Variants in FHIP2A observed in about 807,000 individuals in gnomAD.
FHIP2A encodes family with sequence similarity 160 member B1.
FHIP2A carries 46 observed loss-of-function variants against 93.5 expected under a neutral mutation model. The ratio of observed to expected loss-of-function variants is 0.49; its 90% CI spans 0.39 to 0.63. The LOEUF (loss-of-function observed/expected upper bound fraction) is 0.63, where lower values mean the gene tolerates loss of function less well. FHIP2A is among the 20% of genes least tolerant of loss of function. FHIP2A has a pLI of 0.00. For synonymous variants in FHIP2A, 332 were observed against 326.5 expected, an observed-to-expected ratio of 1.02 and a Z score of -0.18; for missense variants, 769 against 909.7, an observed-to-expected ratio of 0.85 and a Z score of 1.99.
At chr10:114,884,442 C>G (rs2083931685) in intron 16 of FHIP2A, among the ~76,000 whole-genome samples, 1 of 152,172 alleles carries the variant, frequency 6.6e-6, no homozygotes, top group Non-Finnish European at 1.5e-5. Flanking sequence ...CTTAGCAAAT[C>G]ACTTAAATTC....
chr10:114,847,278 GTTT>G, intron 12 of FHIP2A, 45 bp downstream of exon 12: 1 of 1,554,628 alleles, frequency 6.4e-7, no homozygotes, highest in South Asian at 1.2e-5. Flanking sequence ...CTTGTTTTTT[GTTT>G]TTGTTTATTA....
At position 114,822,026 on chromosome 10, in the gene FHIP2A, T is replaced by C; in HGVS notation, c.-53T>C. On this transcript the variant is annotated 5_prime_UTR_variant, in exon 1 of 17. Coordinates refer to ENST00000369248, the MANE Select transcript of FHIP2A (RefSeq NM_020940.4). ...CCGCAGCAGGGGCGGCGGCGGCGGA[T>C]CGAGGAGCTCTCCAGGTCGTCCCGG... 2.5e-6 allele frequency: 3 copies of C among 1,188,540 alleles called. No homozygotes were observed. Among genetic ancestry groups the C allele is most frequent in the Non-Finnish European group, 3.2e-6 (3 of 931,552 alleles). 73.6% of individuals were successfully genotyped at this position (1,188,540 alleles called of 1,614,324 possible). A position where few individuals can be genotyped will look rare whatever the true frequency, so the allele number is the denominator to read the frequency against.
At chr10:114,854,549 CA>C (rs528902999) in intron 13 of FHIP2A, among the ~76,000 whole-genome samples, 12 of 151,918 alleles carry the variant, frequency 7.9e-5, no homozygotes, top group Non-Finnish European at 1.8e-4. Context: ...ACACAAAATA[CA>C]AACCCTGATT....
intron 5 of FHIP2A, among the ~76,000 whole-genome samples, chr10:114,839,443 T>C (rs1490031657): frequency 6.6e-6 from 1 of 152,170 alleles, no homozygotes; most frequent in Non-Finnish European, 1.5e-5. Flanking sequence ...GCAGTTTTAT[T>C]ACTTATAAGT....
At chr10:114,874,405 A>G (rs911525264) in intron 16 of FHIP2A, among the ~76,000 whole-genome samples, 2 of 152,276 alleles carry the variant, frequency 1.3e-5, no homozygotes, top group African/African-American at 4.8e-5. Context: ...TAACTAGCAC[A>G]ATTATATTGC....
At chr10:114,828,013 T>G (rs528959977) in intron 1 of FHIP2A, among the ~76,000 whole-genome samples, 66 of 152,298 alleles carry the variant, frequency 4.3e-4, no homozygotes, top group Admixed American at 6.5e-4. Context: ...CACTTTTTTT[T>G]TTTTAACTCA....
At position 114,894,511 on chromosome 10, in the gene FHIP2A, G is replaced by T. The variant is rs912552734; in HGVS notation, c.2193-4979G>T. On this transcript the variant is annotated intron_variant, in intron 16 of 16. Coordinates refer to the FHIP2A transcript ENST00000369250. Reference sequence around the variant, plus strand: ...TGAGTCCGGGGACGTCAAGGCTGCAGTGAGCGGTGATTGTGCCACTGCACT... The same window carrying T: ...TGAGTCCGGGGACGTCAAGGCTGCATTGAGCGGTGATTGTGCCACTGCACT... Among the ~76,000 whole-genome samples, 3 of 152,308 alleles carry T rather than the reference G, an allele frequency of 2.0e-5. No homozygotes were observed. In the East Asian group the frequency reaches 5.8e-4, roughly 29 times the overall value.
In FHIP2A at chr10:114,860,861, G is replaced by A. The variant is rs774567874; in HGVS notation, c.2060G>A (p.Cys687Tyr). The change falls in exon 15 of 17, where the codon TGT (cysteine) becomes TAT (tyrosine). Residue 687 changes from cysteine to tyrosine, a missense_variant. Cys to Tyr is a radical substitution (Grantham distance 194, BLOSUM62 -2). Coordinates refer to ENST00000369248, the MANE Select transcript of FHIP2A (RefSeq NM_020940.4). ...CCTTACGTGAACCTCGCTCCTGGCT[G>A]TAGATCTCTCTTCTCTGTAATTGTC... ...LDPYVNLAPG[C>Y]RSLFSVIVRV... is the part of the protein sequence containing the mutation. 1 of 1,613,640 alleles carries A rather than the reference G, an allele frequency of 6.2e-7. No individual in the cohort carries two copies. Among genetic ancestry groups the A allele is most frequent in the Non-Finnish European group, 8.5e-7 (1 of 1,179,652 alleles).
In FHIP2A at chr10:114,860,795, C is replaced by G. The variant is rs1434744428; in HGVS notation, c.1994C>G (p.Ser665Cys). Residue 665 changes from serine to cysteine, a missense_variant, in exon 15 of 17, where the codon TCT becomes TGT. Ser to Cys is a moderately radical substitution (Grantham distance 112). Coordinates refer to ENST00000369248, the MANE Select transcript of FHIP2A (RefSeq NM_020940.4). ...LQVTSVLSRL[S>C]LFPHPHIHEY... ...GTAACCTCAGTGTTATCTAGACTTT[C>G]TCTCTTCCCTCATCCACACATCCAC... The G allele has an allele frequency of 1.9e-6, 3 of 1,608,710 alleles. 1 individual carries two copies. Among genetic ancestry groups the G allele is most frequent in the African/African-American group, 2.7e-5 (2 of 74,932 alleles).
rs5788083 is a variant in FHIP2A, at chr10:114,830,270, C to CTTTTTT, written c.46-567_46-562dup. On this transcript the variant is annotated intron_variant, in intron 1 of 16. Transcript: ENST00000369248. Reference sequence around the variant, plus strand: ...TCATTTAATATACCTCTGAAACCTACTTTTTTTTTTTTTTTTTTTTGAGAT... The same window carrying CTTTTTT: ...TCATTTAATATACCTCTGAAACCTACTTTTTTTTTTTTTTTTTTTTTTTTTTGAGAT... Among the ~76,000 whole-genome samples the CTTTTTT allele has an allele frequency of 2.6e-4, 27 of 105,446 alleles. 1 individual carries two copies. The highest frequency in any genetic ancestry group is 7.2e-4 in the African/African-American group (19 of 26,402). 69.2% of individuals were successfully genotyped at this position (105,446 alleles called of 152,430 possible).
At chr10:114,849,526 ATTC>A (rs1224129247) in intron 13 of FHIP2A, among the ~76,000 whole-genome samples, 1 of 152,186 alleles carries the variant, frequency 6.6e-6, no homozygotes, top group African/African-American at 2.4e-5. Flanking sequence ...GACTTTTCTC[ATTC>A]TTCTTTCCTC....
At chr10:114,876,733 CTGGGGCCAGGG>C (rs1566384827) in intron 16 of FHIP2A, among the ~76,000 whole-genome samples, 1 of 152,170 alleles carries the variant, frequency 6.6e-6, no homozygotes, top group African/African-American at 2.4e-5. Flanking sequence ...CTGCCAGCTC[CTGGGGCCAGGG>C]CTCAGCACGG....
At chr10:114,859,548 A>G (rs1455411636) in intron 14 of FHIP2A, among the ~76,000 whole-genome samples, 6 of 152,002 alleles carry the variant, frequency 3.9e-5, no homozygotes, top group African/African-American at 1.5e-4. Context: ...CAGCCTCCTC[A>G]CTGTAGTTAG....
chr10:114,899,609 T>C, exon 17 of FHIP2A: 1 of 711,146 alleles, frequency 1.4e-6, no homozygotes, highest in Non-Finnish European at 2.6e-6. Flanking sequence ...TTGGATCAAC[T>C]GCCCACCCTT....
Position 114,846,618 on chromosome 10 carries a change from T to C in FHIP2A, c.1458T>C (p.Ile486=), listed in dbSNP as rs2083702743. The C allele has an allele frequency of 6.2e-7, 1 of 1,612,216 alleles. No homozygotes were observed. Among genetic ancestry groups the C allele is most frequent in the Non-Finnish European group, 8.5e-7 (1 of 1,179,442 alleles). The change falls in exon 11 of 17, where the codon ATT becomes ATC. Residue 486 remains isoleucine, a synonymous_variant. Transcript: ENST00000369248. ...TTTTACAAAAACCCAATGAGCACAT[T>C]CTTTACAACTTGGTCTTGAGAAATC... ...EHLLQKPNEH[I]LYNLVLRNLE...
At chr10:114,885,740 C>T (rs2083939756) in intron 16 of FHIP2A, among the ~76,000 whole-genome samples, 1 of 152,210 alleles carries the variant, frequency 6.6e-6, no homozygotes, top group Admixed American at 6.5e-5. Flanking sequence ...GAAGCTCCTG[C>T]AGGAATAATC....
rs78583275 is a variant in FHIP2A, at chr10:114,857,314, C to CT, written c.1947+1986dup. Among the ~76,000 whole-genome samples the CT allele has an allele frequency of 1.1e-3, 135 of 120,630 alleles. 4 individuals are homozygous for CT. The highest frequency in any genetic ancestry group is 1.0e-3 in the Non-Finnish European group (56 of 55,236). The allele number at this position is 120,630 out of a possible 152,430, so 79.1% of individuals were successfully genotyped here. On this transcript the variant is annotated intron_variant, in intron 14 of 16. Coordinates refer to ENST00000369248, the MANE Select transcript of FHIP2A (RefSeq NM_020940.4). ...TTTCTTTCTCTCCCTATTTCTTCTT[C>CT]TTTTTTTTTTTTCTGAGACCGAGTC... is the stretch of plus-strand genomic sequence containing the variant.
intron 16 of FHIP2A, among the ~76,000 whole-genome samples, chr10:114,891,535 ATATGTGTGTGTGTG>A (rs1300224926): frequency 1.6e-5 from 2 of 126,438 alleles, no homozygotes; most frequent in African/African-American, 6.9e-5. Context: ...ATATATATAT[ATATGTGTGTGTGTG>A]TGTGTGTGTG....
rs192808490 is a variant in FHIP2A at position 114,883,162 on chromosome 10, A to G, written c.2193-16328A>G. ...GTTAAAGATTTTGGATCATTTTGTG[A>G]CATTACAGGGTTAGTTTTTCAGATG... On this transcript the variant is annotated intron_variant, in intron 16 of 16. Transcript: ENST00000369250. Among the ~76,000 whole-genome samples the G allele has an allele frequency of 1.1e-4, 17 of 152,290 alleles. No homozygotes were observed. The East Asian group carries it at 3.1e-3, about 28-fold the overall frequency.
Sources: gnomAD v4.1 joint callset for allele counts (sites outside exome capture counted in the v4.1 genomes callset) on GRCh38, gnomAD v4.1.1 for gene constraint, MANE v1.5 for transcripts, NCBI Gene and HGNC (gene_info 2026-07-23, HGNC 2026-07-21) for gene names.